SVIP: variants seen among roughly 807,000 people sequenced by gnomAD.
SVIP encodes small VCP interacting protein.
A neutral mutation model predicts 12.9 loss-of-function variants in SVIP; 14 were observed. The ratio of observed to expected loss-of-function variants is 1.08; its 90% CI spans 0.72 to 1.70. SVIP has a LOEUF of 1.70. Among genes scored for constraint, SVIP ranks in the 40% most tolerant of loss-of-function variants. SVIP has a pLI of 0.00. For synonymous variants in SVIP, 35 were observed against 33.3 expected (o/e 1.05, Z -0.17); for missense variants, 93 against 90.8 (o/e 1.02, Z -0.10).
intron 3 of SVIP, among the ~76,000 whole-genome samples, chr11:22,825,830 G>A (rs767458267): frequency 1.2e-4 from 19 of 152,100 alleles, no homozygotes; most frequent in East Asian, 7.7e-4. Context: ...ATAACATTAC[G>A]TATGACTTTA....
chr11:22,825,470 A>G (rs1304351588), intron 3 of SVIP, among the ~76,000 whole-genome samples: 3 of 152,178 alleles, frequency 2.0e-5, no homozygotes, highest in African/African-American at 7.2e-5. Context: ...GGCTAATGAC[A>G]GTGAGCCACT....
In SVIP at chr11:22,829,076, C is replaced by G. The variant is rs1038622275; in HGVS notation, c.54+619G>C. Among the ~76,000 whole-genome samples the G allele has an allele frequency of 5.3e-5, 8 of 152,206 alleles. No individual in the cohort carries two copies. The South Asian group carries it at 1.7e-3, about 32-fold the overall frequency. On this transcript the variant is annotated intron_variant, in intron 1 of 3. Coordinates refer to ENST00000354193, the MANE Select transcript of SVIP (RefSeq NM_148893.3). ...TATTATAAACGTATTCCTTGTATATCTGAAATTCGAATGTAACTGGGTGTC... is the reference window on the plus strand; with the variant it reads ...TATTATAAACGTATTCCTTGTATATGTGAAATTCGAATGTAACTGGGTGTC...
At position 22,821,760 on chromosome 11, in the gene SVIP, CTAGA is replaced by C. The variant is rs1249616040; in HGVS notation, c.*1355_*1358del. ...ATTGAGCCAAATTGTTATGTTTTGC[CTAGA>C]TATTCACACAATATTTCACACCATA... On this transcript the variant is annotated 3_prime_UTR_variant, in exon 4 of 4. Transcript: ENST00000354193. 3 of 152,054 alleles carry C rather than the reference CTAGA, an allele frequency of 2.0e-5. No homozygotes were observed. Among genetic ancestry groups the C allele is most frequent in the Non-Finnish European group, 4.4e-5 (3 of 68,000 alleles). 9.4% of individuals were successfully genotyped at this position (152,054 alleles called of 1,614,324 possible). A position where few individuals can be genotyped will look rare whatever the true frequency, so the allele number is the denominator to read the frequency against.
At chr11:22,829,671 G>A in intron 1 of SVIP, 24 bp downstream of exon 1, 1 of 1,576,348 alleles carries the variant, frequency 6.3e-7, no homozygotes, top group Non-Finnish European at 8.6e-7. Context: ...CGGCCCGGCG[G>A]ACGCAGGGAC....
intron 3 of SVIP, 141 bp from the exon 4 acceptor site, chr11:22,823,274 A>C: frequency 1.7e-6 from 1 of 598,018 alleles, no homozygotes; most frequent in Non-Finnish European, 2.8e-6. Context: ...TATTCATAAA[A>C]TTTTACATTA....
intron 3 of SVIP, among the ~76,000 whole-genome samples, chr11:22,825,340 G>A (rs949946294): frequency 6.6e-6 from 1 of 151,996 alleles, no homozygotes; most frequent in Non-Finnish European, 1.5e-5. Context: ...TTCACTTCAT[G>A]CTCTTGACAT....
At chr11:22,827,984 G>C in intron 1 of SVIP, 110 bp from the exon 2 acceptor site, 3 of 752,702 alleles carry the variant, frequency 4.0e-6, no homozygotes, top group Non-Finnish European at 5.8e-6. Flanking sequence ...TTCGGTACTG[G>C]CCCTAAATGT....
At position 22,829,666 on chromosome 11, in the gene SVIP, C is replaced by G. The variant is rs1342332642; in HGVS notation, c.54+29G>C. 4 of 1,566,624 alleles carry G rather than the reference C, an allele frequency of 2.6e-6. No homozygotes were observed. The African/African-American group carries it at 4.1e-5, about 16-fold the overall frequency. On this transcript the variant is annotated intron_variant, in intron 1 of 3. Coordinates refer to ENST00000354193, the MANE Select transcript of SVIP (RefSeq NM_148893.3). Reference sequence around the variant, plus strand: ...GAGGACAGGTGCTCAAGGCGCGGCCCGGCGGACGCAGGGACCTGCTCTACT... The same window carrying G: ...GAGGACAGGTGCTCAAGGCGCGGCCGGGCGGACGCAGGGACCTGCTCTACT...
At chr11:22,824,485 T>TATAC (rs1466934009) in intron 3 of SVIP, among the ~76,000 whole-genome samples, 2 of 141,224 alleles carry the variant, frequency 1.4e-5, no homozygotes, top group South Asian at 2.3e-4. Flanking sequence ...TATATATATA[T>TATAC]GTATATATAT....
intron 1 of SVIP, among the ~76,000 whole-genome samples, chr11:22,828,562 T>C (rs1484839693): frequency 1.3e-5 from 2 of 152,118 alleles, no homozygotes; most frequent in African/African-American, 2.4e-5. Flanking sequence ...GAATATATTT[T>C]GTTTAACGTG....
chr11:22,824,670 A>AT (rs1402751896), intron 3 of SVIP, among the ~76,000 whole-genome samples: 1 of 152,068 alleles, frequency 6.6e-6, no homozygotes, highest in Non-Finnish European at 1.5e-5. Flanking sequence ...ACAATTTAGC[A>AT]TTTTTAAACA....
chr11:22,823,576 C>A (rs1857558219), intron 3 of SVIP, among the ~76,000 whole-genome samples: 1 of 152,172 alleles, frequency 6.6e-6, no homozygotes, highest in Non-Finnish European at 1.5e-5. Context: ...AAACCCAGGG[C>A]ACTCATCTGA....
At chr11:22,827,939 T>G (rs1857785874) in intron 1 of SVIP, 65 bp from the exon 2 acceptor site, 1 of 1,253,202 alleles carries the variant, frequency 8.0e-7, no homozygotes, top group South Asian at 1.6e-5. Context: ...TTATTCACAT[T>G]TATTTCATAG....
intron 3 of SVIP, among the ~76,000 whole-genome samples, chr11:22,825,377 G>C (rs114288604): frequency 0.013 from 2,043 of 152,192 alleles, 39 homozygotes; most frequent in African/African-American, 0.047. Flanking sequence ...GCAGAATGGA[G>C]CATGCCACTT....
intron 3 of SVIP, among the ~76,000 whole-genome samples, chr11:22,824,663 A>G (rs538566976): frequency 2.0e-5 from 3 of 152,168 alleles, no homozygotes; most frequent in African/African-American, 7.2e-5. Flanking sequence ...ACAATATACA[A>G]TTTAGCATTT....
chr11:22,827,142 G>A, intron 3 of SVIP, 65 bp downstream of exon 3: 3 of 1,217,740 alleles, frequency 2.5e-6, no homozygotes, highest in Non-Finnish European at 3.6e-6. Context: ...ATTATGAATG[G>A]ATTGCTACTT....
In SVIP at chr11:22,829,711, G is replaced by C; in HGVS notation, c.38C>G (p.Pro13Arg). Residue 13 changes from proline (P) to arginine (R), a missense_variant, in exon 1 of 4, where the codon CCT (proline) becomes CGT (arginine). Transcript: ENST00000354193. ...TCTACTCACCAGGTCCGGCGTGGGA[G>C]GCGCGGACTCCCCGGGACAAGGAAA... ...LCFPCPGESA[P>R]PTPDLEEKRA... 3.1e-6 allele frequency: 5 copies of C among 1,605,904 alleles called. No individual in the cohort carries two copies. The highest frequency in any genetic ancestry group is 4.2e-6 in the Non-Finnish European group (5 of 1,177,104).
rs1857426557 is a variant in SVIP at position 22,820,028 on chromosome 11, T to C, written c.*3091A>G. On this transcript the variant is annotated 3_prime_UTR_variant, in exon 4 of 4. Transcript: ENST00000354193. ...AAAGTCTGTTATACATACAAATGCCTTGTGTCTGTAGCTTTTGAGAAAATT... is the reference window on the plus strand; with the variant it reads ...AAAGTCTGTTATACATACAAATGCCCTGTGTCTGTAGCTTTTGAGAAAATT... 6.6e-6 allele frequency: 1 copy of C among 152,212 alleles called. No individual in the cohort carries two copies. The highest frequency in any genetic ancestry group is 2.4e-5 in the African/African-American group (1 of 41,446). The allele number at this position is 152,212 out of a possible 1,614,324, so 9.4% of individuals were successfully genotyped here.
At chr11:22,827,955 A>G in intron 1 of SVIP, 81 bp from the exon 2 acceptor site, 3 of 1,130,832 alleles carry the variant, frequency 2.7e-6, no homozygotes, top group South Asian at 3.6e-5. Flanking sequence ...CATAGGCACT[A>G]TAACAATTTA....
Sources: gnomAD v4.1 joint callset for allele counts (sites outside exome capture counted in the v4.1 genomes callset) on GRCh38, gnomAD v4.1.1 for gene constraint, MANE v1.5 for transcripts, NCBI Gene and HGNC (gene_info 2026-07-23, HGNC 2026-07-21) for gene names.